Variants in LARS1 observed in about 807,000 individuals in gnomAD.
LARS1 encodes the protein leucine--tRNA ligase, cytoplasmic.
In LARS1, 100 loss-of-function variants were observed where a neutral mutation model predicts 162.8. That is an observed-to-expected ratio of 0.61 (90% CI 0.52 to 0.73). The LOEUF (loss-of-function observed/expected upper bound fraction) is 0.73. Ranked by LOEUF, LARS1 falls within the 30% of genes least tolerant of loss-of-function variation. LARS1 has a pLI of 0.00. For missense variants in LARS1, 1,258 were observed against 1,408.9 expected (o/e 0.89, Z 1.71); for synonymous variants, 457 against 462.8 (o/e 0.99, Z 0.16).
intron 8 of LARS1, among the ~76,000 whole-genome samples, chr5:146,159,126 AC>A (rs1753660113): frequency 6.6e-6 from 1 of 151,286 alleles, no homozygotes; most frequent in Admixed American, 6.6e-5. Flanking sequence ...CCTGGGCCCC[AC>A]CCCCAGAACT....
chr5:146,134,723 T>G (rs1246900698), intron 22 of LARS1, among the ~76,000 whole-genome samples: 1 of 151,914 alleles, frequency 6.6e-6, no homozygotes, highest in East Asian at 1.9e-4. Context: ...CCAAGGAGGG[T>G]GGATCACTTG....
chr5:146,142,020 C>A (rs574130467), intron 20 of LARS1, among the ~76,000 whole-genome samples: 1 of 151,984 alleles, frequency 6.6e-6, no homozygotes, highest in Non-Finnish European at 1.5e-5. Flanking sequence ...ATTAGCCAGG[C>A]GTAGTGGTGC....
intron 15 of LARS1, among the ~76,000 whole-genome samples, chr5:146,148,205 T>C (rs985744230): frequency 4.6e-5 from 7 of 152,166 alleles, no homozygotes; most frequent in Admixed American, 2.0e-4. Flanking sequence ...GACATAGACA[T>C]GGGATTAAGG....
intron 2 of LARS1, among the ~76,000 whole-genome samples, chr5:146,175,801 C>G (rs1754534381): frequency 6.7e-6 from 1 of 149,584 alleles, no homozygotes; most frequent in African/African-American, 2.5e-5. Context: ...GCACTCCAGC[C>G]TGGGTGACAG....
intron 31 of LARS1, among the ~76,000 whole-genome samples, chr5:146,116,959 A>C (rs1310628626): frequency 2.0e-5 from 3 of 152,220 alleles, no homozygotes; most frequent in African/African-American, 7.2e-5. Flanking sequence ...TTAGATATCA[A>C]GGCATCCTGA....
chr5:146,161,201 T>C (rs1045390894), intron 6 of LARS1, among the ~76,000 whole-genome samples: 2 of 152,240 alleles, frequency 1.3e-5, no homozygotes, highest in African/African-American at 2.4e-5. Flanking sequence ...AAAATGCTAA[T>C]AATCATCTGA....
chr5:146,157,528 T>C lies in LARS1; in HGVS notation c.940A>G (p.Ile314Val), dbSNP rs542157658. The change falls in exon 10 of 32, where the codon ATT becomes GTT. Residue 314 changes from isoleucine (I) to valine (V), a missense_variant. Ile to Val is a conservative substitution (Grantham distance 29). Coordinates refer to ENST00000394434, the MANE Select transcript of LARS1 (RefSeq NM_020117.11). ...NCWVRPDMKY[I>V]GFETVNGDIF... ...TCACCATTCACCGTCTCAAATCCAA[T>C]GTACTTCATATCAGGACGAACCCAA... 3.1e-6 allele frequency: 5 copies of C among 1,613,996 alleles called. No homozygotes were observed. Among genetic ancestry groups the C allele is most frequent in the Non-Finnish European group, 4.2e-6 (5 of 1,180,030 alleles).
At chr5:146,131,577 A>T (rs1292264000) in intron 23 of LARS1, 1 of 150,076 alleles carries the variant, frequency 6.7e-6, no homozygotes, top group African/African-American at 2.5e-5. Context: ...CTGCAGCCTC[A>T]AACTCCTAGG....
At chr5:146,157,251 A>C (rs1753571094) in intron 10 of LARS1, 152 bp downstream of exon 10, 1 of 681,846 alleles carries the variant, frequency 1.5e-6, no homozygotes, top group Non-Finnish European at 2.6e-6. Flanking sequence ...GTGTATATAC[A>C]TATGAAAATG....
At chr5:146,150,834 G>C (rs1476377714) in intron 14 of LARS1, among the ~76,000 whole-genome samples, 1 of 151,726 alleles carries the variant, frequency 6.6e-6, no homozygotes, top group African/African-American at 2.4e-5. Context: ...AGCTACTCAG[G>C]AGTCTGAGGC....
rs1309164431 is a variant in LARS1 at position 146,114,188 on chromosome 5, T to C, written c.3449A>G (p.Asp1150Gly). 1 of 1,613,432 alleles carries C rather than the reference T, an allele frequency of 6.2e-7. No individual in the cohort carries two copies. Among genetic ancestry groups the C allele is most frequent in the East Asian group, 2.2e-5 (1 of 44,814 alleles). Residue 1150 changes from aspartate to glycine, a missense_variant, in exon 32 of 32, where the codon GAC (aspartate) becomes GGC (glycine). By Grantham distance (94) the Asp-to-Gly change is moderately conservative. Coordinates refer to ENST00000394434, the MANE Select transcript of LARS1 (RefSeq NM_020117.11). The stretch of plus-strand genomic sequence containing the variant: ...CAGATGAATTTTCTTGCTCATGAGG[T>C]CCACATTGAAAACAGCATGCTCAGA... ...PISEHAVFNVDLMSKKIHLTE... is the reference protein window; with the variant it reads ...PISEHAVFNVGLMSKKIHLTE...
intron 13 of LARS1, 55 bp from the exon 14 acceptor site, chr5:146,152,057 T>C (rs1753317585): frequency 1.9e-6 from 3 of 1,600,728 alleles, no homozygotes; most frequent in South Asian, 2.2e-5. Context: ...CACAGCTCTG[T>C]AGGGCACAAG....
intron 14 of LARS1, 124 bp downstream of exon 14, chr5:146,151,738 C>T: frequency 1.2e-6 from 1 of 861,504 alleles, no homozygotes. Context: ...AATACATTCT[C>T]ATATTAAGCT....
At chr5:146,136,574 T>C (rs1020888893) in intron 21 of LARS1, among the ~76,000 whole-genome samples, 2 of 151,370 alleles carry the variant, frequency 1.3e-5, no homozygotes, top group African/African-American at 4.9e-5. Context: ...TCCGCCTCCC[T>C]CGGTTCAAGG....
intron 5 of LARS1, among the ~76,000 whole-genome samples, chr5:146,167,494 C>G (rs913012323): frequency 3.3e-5 from 5 of 151,784 alleles, no homozygotes; most frequent in African/African-American, 9.7e-5. Flanking sequence ...AGCTCCACCT[C>G]CAGGGTTCAC....
rs535953730 is a variant in LARS1, at chr5:146,139,763, T to C, written c.2148+441A>G. 265 of 101,908 alleles carry C rather than the reference T, an allele frequency of 2.6e-3. 1 individual carries two copies. The highest frequency in any genetic ancestry group is 5.8e-3 in the South Asian group (12 of 2,054). 6.3% of individuals were successfully genotyped at this position (101,908 alleles called of 1,614,324 possible). ...GATGGCGGGTGCCTGTAGTCCCAGA[T>C]ACTCGAGAGGCTGAGGCAGGAGAAT... On this transcript the variant is annotated intron_variant, in intron 21 of 31. Coordinates refer to ENST00000394434, the MANE Select transcript of LARS1 (RefSeq NM_020117.11).
At chr5:146,139,104 A>G in intron 21 of LARS1, 1 of 240,690 alleles carries the variant, frequency 4.2e-6, no homozygotes, top group South Asian at 4.6e-5. Context: ...GCACTTTGGG[A>G]AGCTGAGGCA....
intron 10 of LARS1, among the ~76,000 whole-genome samples, chr5:146,156,887 G>A (rs1034792524): frequency 3.3e-5 from 5 of 151,864 alleles, no homozygotes; most frequent in Non-Finnish European, 7.4e-5. Flanking sequence ...ATCTCTTGGG[G>A]AGGACTGCCT....
Position 146,160,390 on chromosome 5 carries a change from TTTTG to T in LARS1, c.687_690del (p.Asn229LysfsTer40). On this transcript the variant is annotated frameshift_variant, in exon 7 of 32. Transcript: ENST00000394434. LOFTEE classifies it high-confidence loss of function. ...CAAACTTACCGCTTCCCAAATTTAA[TTTTG>T]TTTCTTTCTCTTAATGTTAAAAATT... 1 of 1,555,670 alleles carries T rather than the reference TTTTG, an allele frequency of 6.4e-7. No individual in the cohort carries two copies. The highest frequency in any genetic ancestry group is 8.7e-7 in the Non-Finnish European group (1 of 1,145,368).
Sources: gnomAD v4.1 joint callset for allele counts (sites outside exome capture counted in the v4.1 genomes callset) on GRCh38, gnomAD v4.1.1 for gene constraint, MANE v1.5 for transcripts, NCBI Gene and HGNC (gene_info 2026-07-23, HGNC 2026-07-21) for gene names.